POU6F2: variants seen among roughly 807,000 people sequenced by gnomAD.
POU6F2 encodes the protein POU class 6 homeobox 2.
A neutral mutation model predicts 71.3 loss-of-function variants in POU6F2; 31 were observed. That is an observed-to-expected ratio of 0.43 (90% CI 0.33 to 0.59). The LOEUF is 0.59. POU6F2 is among the 20% of genes least tolerant of loss of function. POU6F2 has a pLI of 0.04. For missense variants in POU6F2, 783 were observed against 856.8 expected, an observed-to-expected ratio of 0.91 and a Z score of 1.07; for synonymous variants, 347 against 355.7, an observed-to-expected ratio of 0.98 and a Z score of 0.27.
chr7:39,344,639 G>A (rs1266537509), intron 5 of POU6F2, among the ~76,000 whole-genome samples: 1 of 107,376 alleles, frequency 9.3e-6, no homozygotes, highest in Admixed American at 9.6e-5. Flanking sequence ...CAGTGTCCTA[G>A]GCCAAACCCC....
chr7:39,244,633 C>A (rs1188421147), intron 4 of POU6F2, among the ~76,000 whole-genome samples: 1 of 152,162 alleles, frequency 6.6e-6, no homozygotes, highest in East Asian at 1.9e-4. Flanking sequence ...TGTATGTACA[C>A]TCACACACAC....
chr7:39,030,550 A>ACACC (rs1789919338), intron 1 of POU6F2, among the ~76,000 whole-genome samples: 1 of 134,570 alleles, frequency 7.4e-6, no homozygotes, highest in Non-Finnish European at 1.6e-5. Flanking sequence ...ATATACACAC[A>ACACC]CATACATATA....
chr7:39,007,841 AC>A (rs1212068305), intron 1 of POU6F2, among the ~76,000 whole-genome samples: 9 of 151,388 alleles, frequency 5.9e-5, no homozygotes, highest in African/African-American at 2.2e-4. Flanking sequence ...CCATGTCCCT[AC>A]AAAGGACATG....
At chr7:39,321,430 C>T (rs1225131043) in intron 4 of POU6F2, among the ~76,000 whole-genome samples, 3 of 152,090 alleles carry the variant, frequency 2.0e-5, no homozygotes, top group Admixed American at 6.5e-5. Context: ...TGTGAAATGA[C>T]GTGCAGTGGG....
chr7:39,218,380 G>A (rs1410181107), intron 4 of POU6F2, among the ~76,000 whole-genome samples: 3 of 152,126 alleles, frequency 2.0e-5, no homozygotes, highest in Non-Finnish European at 4.4e-5. Context: ...GAAAATCGGA[G>A]ACAGTTCCCA....
chr7:39,113,289 G>A (rs1003217876), intron 2 of POU6F2, among the ~76,000 whole-genome samples: 1 of 152,056 alleles, frequency 6.6e-6, no homozygotes, highest in Admixed American at 6.6e-5. Context: ...TTAAATGAAT[G>A]GATAAAATTT....
intron 4 of POU6F2, among the ~76,000 whole-genome samples, chr7:39,237,741 T>TA (rs1431597591): frequency 1.3e-5 from 2 of 152,270 alleles, no homozygotes; most frequent in Admixed American, 6.5e-5. Flanking sequence ...GACCCGGCCT[T>TA]GCAGGGGGCA....
chr7:39,414,884 A>G (rs1364160427), intron 6 of POU6F2, among the ~76,000 whole-genome samples: 1 of 152,172 alleles, frequency 6.6e-6, no homozygotes, highest in East Asian at 1.9e-4. Context: ...ATGCACAGTG[A>G]GAAATCTAGT....
chr7:39,157,026 A>G (rs1792884138), intron 2 of POU6F2, among the ~76,000 whole-genome samples: 1 of 152,140 alleles, frequency 6.6e-6, no homozygotes, highest in African/African-American at 2.4e-5. Flanking sequence ...GTGCCACCAG[A>G]TATGTCTTTA....
chr7:39,245,894 T>C (rs996620648), intron 4 of POU6F2, among the ~76,000 whole-genome samples: 1 of 152,122 alleles, frequency 6.6e-6, no homozygotes, highest in African/African-American at 2.4e-5. Flanking sequence ...TCCACAAGCA[T>C]AGTGATGGCA....
At chr7:39,303,083 A>G (rs1337246829) in intron 4 of POU6F2, among the ~76,000 whole-genome samples, 1 of 152,240 alleles carries the variant, frequency 6.6e-6, no homozygotes, top group Non-Finnish European at 1.5e-5. Context: ...TCTGCTTGAA[A>G]AGGCACTGGA....
At chr7:39,026,133 C>T (rs1789795130) in intron 1 of POU6F2, among the ~76,000 whole-genome samples, 1 of 151,930 alleles carries the variant, frequency 6.6e-6, no homozygotes, top group South Asian at 2.1e-4. Flanking sequence ...GAAATAGGAA[C>T]ACTTTTACAC....
At chr7:39,157,019 C>A (rs755056068) in intron 2 of POU6F2, among the ~76,000 whole-genome samples, 2 of 152,106 alleles carry the variant, frequency 1.3e-5, no homozygotes, top group Non-Finnish European at 2.9e-5. Context: ...TTTCCTAGTG[C>A]CACCAGATAT....
At chr7:39,072,490 G>A (rs1527957) in intron 1 of POU6F2, among the ~76,000 whole-genome samples, 126,500 of 152,250 alleles carry the variant, frequency 0.83, 52,827 homozygotes, top group East Asian at 1. Flanking sequence ...TGAAGACTTC[G>A]GCTCACCTGT....
chr7:39,442,344 G>C (rs1788425117), intron 7 of POU6F2, among the ~76,000 whole-genome samples: 1 of 152,158 alleles, frequency 6.6e-6, no homozygotes, highest in Admixed American at 6.5e-5. Context: ...AGAAGTGAAG[G>C]GATCTATTAG....
chr7:39,260,387 T>C (rs1346670601), intron 4 of POU6F2, among the ~76,000 whole-genome samples: 2 of 143,826 alleles, frequency 1.4e-5, no homozygotes, highest in Admixed American at 6.9e-5. Context: ...CATACCTTGC[T>C]CACACCACAC....
chr7:39,340,102 C>T, intron 5 of POU6F2, 87 bp downstream of exon 5: 1 of 1,335,014 alleles, frequency 7.5e-7, no homozygotes, highest in African/African-American at 2.7e-5. Flanking sequence ...AGAGGGACCA[C>T]ACAAAACTTA....
At chr7:39,411,026 C>T (rs1027931618) in intron 6 of POU6F2, among the ~76,000 whole-genome samples, 1 of 152,180 alleles carries the variant, frequency 6.6e-6, no homozygotes, top group Non-Finnish European at 1.5e-5. Context: ...CTCAATAATG[C>T]TATCATCCAA....
At chr7:39,382,176 C>T (rs572707621) in intron 5 of POU6F2, among the ~76,000 whole-genome samples, 60 of 152,260 alleles carry the variant, frequency 3.9e-4, no homozygotes, top group African/African-American at 1.2e-3. Context: ...GCTGCAAAAG[C>T]ATGGAAGATT....
Sources: allele counts gnomAD v4.1 joint callset (sites outside exome capture counted in the v4.1 genomes callset), GRCh38; gene constraint gnomAD v4.1.1; transcripts MANE v1.5; gene names NCBI Gene and HGNC (gene_info 2026-07-23, HGNC 2026-07-21).